Variants in STK24 observed in about 807,000 individuals in gnomAD.
STK24 encodes the protein serine/threonine kinase 24.
A neutral mutation model predicts 55.6 loss-of-function variants in STK24; 21 were observed. The ratio of observed to expected loss-of-function variants is 0.38; its 90% CI spans 0.27 to 0.54. STK24 has a LOEUF of 0.54. Ranked by LOEUF, STK24 falls within the 20% of genes least tolerant of loss-of-function variation. STK24 has a pLI of 0.79. For synonymous variants in STK24, 200 were observed against 215.2 expected (o/e 0.93, Z 0.62); for missense variants, 383 against 538.4 (o/e 0.71, Z 2.86).
intron 5 of STK24, among the ~76,000 whole-genome samples, chr13:98,473,061 C>G (rs187268124): frequency 1.8e-4 from 28 of 151,402 alleles, no homozygotes; most frequent in Admixed American, 1.7e-3. Context: ...CACGCTTGCT[C>G]CTAAAGTGCT....
chr13:98,573,087 T>A (rs1897784746), intron 1 of STK24, among the ~76,000 whole-genome samples: 1 of 152,210 alleles, frequency 6.6e-6, no homozygotes, highest in Admixed American at 6.5e-5. Context: ...ATAATGCAAA[T>A]ATTCCAAAAT....
At chr13:98,464,245 G>A (rs1170427870) in intron 6 of STK24, among the ~76,000 whole-genome samples, 2 of 151,770 alleles carry the variant, frequency 1.3e-5, no homozygotes, top group African/African-American at 4.8e-5. Flanking sequence ...GTGAAACCCC[G>A]TCTTTACTAA....
intron 1 of STK24, among the ~76,000 whole-genome samples, chr13:98,529,178 G>A (rs1467469634): frequency 6.6e-6 from 1 of 151,908 alleles, no homozygotes; most frequent in Non-Finnish European, 1.5e-5. Context: ...CTCTCCCCAG[G>A]CCCCCCACCA....
chr13:98,484,150 A>T (rs924017364), intron 2 of STK24, among the ~76,000 whole-genome samples: 3 of 152,154 alleles, frequency 2.0e-5, no homozygotes, highest in African/African-American at 7.2e-5. Flanking sequence ...TTCCATCATC[A>T]AGAGTGTCCT....
intron 1 of STK24, among the ~76,000 whole-genome samples, chr13:98,525,075 C>A (rs1896384870): frequency 6.6e-6 from 1 of 152,264 alleles, no homozygotes; most frequent in Non-Finnish European, 1.5e-5. Context: ...TTTGGCAATT[C>A]TTGCACGGGT....
chr13:98,512,770 G>A (rs1895929364), intron 2 of STK24, among the ~76,000 whole-genome samples: 1 of 152,158 alleles, frequency 6.6e-6, no homozygotes. Context: ...CATTCCGGAT[G>A]TAAATAATGT....
chr13:98,490,238 T>C (rs1200637977), intron 2 of STK24, among the ~76,000 whole-genome samples: 2 of 152,178 alleles, frequency 1.3e-5, no homozygotes, highest in Non-Finnish European at 2.9e-5. Context: ...TAAACCTTTT[T>C]CTCTCATTAA....
At chr13:98,557,104 T>C (rs1337456372) in intron 1 of STK24, among the ~76,000 whole-genome samples, 2 of 152,100 alleles carry the variant, frequency 1.3e-5, no homozygotes, top group Non-Finnish European at 2.9e-5. Context: ...GCCTAGCAGG[T>C]AAAGCTAGGT....
At chr13:98,504,640 G>A (rs537342657) in intron 2 of STK24, among the ~76,000 whole-genome samples, 4 of 152,306 alleles carry the variant, frequency 2.6e-5, no homozygotes, top group East Asian at 3.9e-4. Context: ...CTGTGGAGTC[G>A]TCGGTGACTA....
intron 1 of STK24, chr13:98,576,305 G>T (rs757994548): frequency 2.4e-6 from 2 of 847,938 alleles, no homozygotes; most frequent in Non-Finnish European, 2.8e-6. Flanking sequence ...CTGCCCGGGG[G>T]TGGGGGACGA....
At chr13:98,470,395 T>A (rs1337647077) in intron 5 of STK24, among the ~76,000 whole-genome samples, 2 of 152,186 alleles carry the variant, frequency 1.3e-5, no homozygotes, top group South Asian at 4.1e-4. Flanking sequence ...ACTCCCAAAG[T>A]GCTGGGATTA....
chr13:98,526,890 T>C (rs1282144456), intron 1 of STK24, among the ~76,000 whole-genome samples: 1 of 152,142 alleles, frequency 6.6e-6, no homozygotes, highest in Non-Finnish European at 1.5e-5. Context: ...GCAGGACCAC[T>C]GTCCACAGGC....
chr13:98,555,176 TAC>T (rs752922841), intron 1 of STK24, among the ~76,000 whole-genome samples: 62 of 152,366 alleles, frequency 4.1e-4, no homozygotes, highest in Non-Finnish European at 8.4e-4. Flanking sequence ...ACCTGCTCTT[TAC>T]AGAGTGAACG....
rs1346478745 is a variant in STK24, at chr13:98,515,122, T to G, written c.273+4121A>C. 1.3e-5 allele frequency among the ~76,000 whole-genome samples: 2 copies of G among 150,336 alleles called. 1 individual carries two copies. The highest frequency in any genetic ancestry group is 1.3e-4 in the Admixed American group (2 of 15,094). The stretch of plus-strand genomic sequence containing the variant: ...CCCTGAAAAAAAAAAAAAAAAGATT[T>G]GTAAGTGCTGAAGGGAATGCACATT... On this transcript the variant is annotated intron_variant, in intron 2 of 10. Coordinates refer to ENST00000539966, the MANE Select transcript of STK24 (RefSeq NM_001032296.4).
rs376031000 is a variant in STK24, at chr13:98,457,398, C to T, written c.1123-94G>A. 5.6e-5 allele frequency: 89 copies of T among 1,578,990 alleles called. No individual in the cohort carries two copies. In the East Asian group the frequency reaches 6.3e-4, roughly 11 times the overall value. Reference sequence around the variant, plus strand: ...AAGGAACAACACGGCGTGTGGACCACGACACTACCCCAGCCCCAGGGTGTC... The same window carrying T: ...AAGGAACAACACGGCGTGTGGACCATGACACTACCCCAGCCCCAGGGTGTC... On this transcript the variant is annotated intron_variant, in intron 9 of 10. Coordinates refer to ENST00000539966, the MANE Select transcript of STK24 (RefSeq NM_001032296.4).
chr13:98,447,006 C>T lies in STK24; in HGVS notation c.*6167G>A. The T allele has an allele frequency of 1.7e-6, 1 of 602,386 alleles. No homozygotes were observed. Among genetic ancestry groups the T allele is most frequent in the Admixed American group, 2.9e-5 (1 of 34,526 alleles). The allele number at this position is 602,386 out of a possible 1,614,324, so 37.3% of individuals were successfully genotyped here. A position where few individuals can be genotyped will look rare whatever the true frequency, so the allele number is the denominator to read the frequency against. ...CTCATGGCAGAAAGTGGGGTCCCAA[C>T]TTCCCTGCGCCCTTACCCTGCACGG... On this transcript the variant is annotated 3_prime_UTR_variant, in exon 11 of 11. Coordinates refer to ENST00000539966, the MANE Select transcript of STK24 (RefSeq NM_001032296.4).
At chr13:98,527,306 C>A (rs1896458663) in intron 1 of STK24, among the ~76,000 whole-genome samples, 1 of 151,994 alleles carries the variant, frequency 6.6e-6, no homozygotes, top group Non-Finnish European at 1.5e-5. Flanking sequence ...CTCAGCTATA[C>A]CAAAAAAAAG....
intron 2 of STK24, among the ~76,000 whole-genome samples, chr13:98,502,060 C>G (rs953476784): frequency 1.3e-5 from 2 of 152,176 alleles, no homozygotes; most frequent in African/African-American, 4.8e-5. Context: ...GAAGCTATTG[C>G]CCCGTCTTAC....
At chr13:98,497,873 T>G (rs961403660) in intron 2 of STK24, among the ~76,000 whole-genome samples, 2 of 152,098 alleles carry the variant, frequency 1.3e-5, no homozygotes, top group Non-Finnish European at 2.9e-5. Flanking sequence ...ACTAACTCTC[T>G]AAAGGAATCT....
Sources: allele counts gnomAD v4.1 joint callset (sites outside exome capture counted in the v4.1 genomes callset), GRCh38; gene constraint gnomAD v4.1.1; transcripts MANE v1.5; gene names NCBI Gene and HGNC (gene_info 2026-07-23, HGNC 2026-07-21).